Variants in CLOCK observed in about 807,000 individuals in gnomAD.
CLOCK encodes circadian locomoter output cycles protein kaput.
A neutral mutation model predicts 118.4 loss-of-function variants in CLOCK; 43 were observed. The observed-to-expected ratio is 0.36, with a 90% CI of 0.28 to 0.47. The LOEUF (loss-of-function observed/expected upper bound fraction) is 0.47. CLOCK is among the 20% of genes least tolerant of loss of function. CLOCK has a pLI of 1.00. For missense variants in CLOCK, 846 were observed against 999.9 expected (o/e 0.85, Z 2.08); for synonymous variants, 326 against 339.2 (o/e 0.96, Z 0.43).
intron 21 of CLOCK, among the ~76,000 whole-genome samples, chr4:55,441,237 A>G (rs899176622): frequency 6.6e-6 from 1 of 152,196 alleles, no homozygotes; most frequent in Admixed American, 6.5e-5. Flanking sequence ...TTACCCAGCC[A>G]GACTGGCCAT....
chr4:55,471,462 A>G (rs887137531), intron 7 of CLOCK, among the ~76,000 whole-genome samples: 1 of 152,168 alleles, frequency 6.6e-6, no homozygotes, highest in Admixed American at 6.5e-5. Context: ...AAGAAAATTC[A>G]GTTAGGAAAA....
At chr4:55,502,271 A>T (rs1192369778) in intron 2 of CLOCK, among the ~76,000 whole-genome samples, 6 of 152,246 alleles carry the variant, frequency 3.9e-5, no homozygotes, top group Non-Finnish European at 7.3e-5. Context: ...ACGAAAGCCA[A>T]GGTAATTCTG....
rs1309051289 is a variant in CLOCK, at chr4:55,453,802, T to A, written c.1005A>T (p.Lys335Asn). Reference protein sequence around the residue: ...HEHLMQYGKGKSCYYRFLTKG... With the variant: ...HEHLMQYGKGNSCYYRFLTKG... ...TAGTCAGGAACCTATAATAACATGA[T>A]TTGCCTTTCCCATATTGCATTACTA... Residue 335 changes from lysine to asparagine, a missense_variant, in exon 14 of 23, where the codon AAA becomes AAT. Physicochemically the swap from Lys to Asn is moderately conservative, Grantham distance 94. Coordinates refer to ENST00000513440, the MANE Select transcript of CLOCK (RefSeq NM_004898.4). 1 of 1,607,170 alleles carries A rather than the reference T, an allele frequency of 6.2e-7. No individual in the cohort carries two copies. The highest frequency in any genetic ancestry group is 1.7e-5 in the Admixed American group (1 of 59,782).
chr4:55,519,057 ATTTTAC>A (rs1729694360), intron 1 of CLOCK, among the ~76,000 whole-genome samples: 1 of 151,886 alleles, frequency 6.6e-6, no homozygotes, highest in South Asian at 2.1e-4. Flanking sequence ...ATTTTATTTT[ATTTTAC>A]TTTTACTTGA....
chr4:55,468,730 G>A (rs563932651), intron 8 of CLOCK, among the ~76,000 whole-genome samples: 1 of 152,166 alleles, frequency 6.6e-6, no homozygotes, highest in Non-Finnish European at 1.5e-5. Flanking sequence ...TCAACAGGCT[G>A]ATTAAAATGG....
At position 55,468,533 on chromosome 4, in the gene CLOCK, A is replaced by T. The variant is rs187102501; in HGVS notation, c.438+2184T>A. Among the ~76,000 whole-genome samples the T allele has an allele frequency of 3.3e-5, 5 of 152,340 alleles. No individual in the cohort carries two copies. In the East Asian group the frequency reaches 9.6e-4, roughly 29 times the overall value. On this transcript the variant is annotated intron_variant, in intron 8 of 22. Coordinates refer to ENST00000513440, the MANE Select transcript of CLOCK (RefSeq NM_004898.4). ...CTTCTGGTCATATAGATAATGAATTAAAATATGGCCAATATGACATTATCA... is the reference window on the plus strand; with the variant it reads ...CTTCTGGTCATATAGATAATGAATTTAAATATGGCCAATATGACATTATCA...
At chr4:55,521,687 C>A (rs1387149343) in intron 1 of CLOCK, among the ~76,000 whole-genome samples, 2 of 152,248 alleles carry the variant, frequency 1.3e-5, no homozygotes, top group Non-Finnish European at 2.9e-5. Context: ...CTCAGACATA[C>A]TTGAGCAAAT....
chr4:55,456,188 C>T, intron 12 of CLOCK, 30 bp downstream of exon 12: 1 of 1,485,282 alleles, frequency 6.7e-7, no homozygotes. Flanking sequence ...ATGACTATTA[C>T]CTTTTCATGG....
intron 2 of CLOCK, among the ~76,000 whole-genome samples, chr4:55,496,605 C>T: frequency 6.6e-6 from 1 of 152,196 alleles, no homozygotes; most frequent in East Asian, 1.9e-4. Context: ...TTCCAATTTA[C>T]AGTATTTACT....
intron 1 of CLOCK, among the ~76,000 whole-genome samples, chr4:55,533,888 G>A (rs1730713861): frequency 6.6e-6 from 1 of 152,188 alleles, no homozygotes; most frequent in African/African-American, 2.4e-5. Context: ...GGGCAACAGA[G>A]TGAGACTCCA....
At chr4:55,439,313 G>C (rs966616336) in intron 21 of CLOCK, among the ~76,000 whole-genome samples, 1 of 152,054 alleles carries the variant, frequency 6.6e-6, no homozygotes, top group Non-Finnish European at 1.5e-5. Flanking sequence ...CACAACAAGA[G>C]GCTACTTTAT....
chr4:55,512,775 C>T (rs768794275), intron 1 of CLOCK, among the ~76,000 whole-genome samples: 1 of 152,038 alleles, frequency 6.6e-6, no homozygotes, highest in Non-Finnish European at 1.5e-5. Flanking sequence ...CATTTTTTTG[C>T]ACATAGACAG....
chr4:55,451,905 G>T (rs945378973), intron 15 of CLOCK, among the ~76,000 whole-genome samples: 11 of 152,130 alleles, frequency 7.2e-5, no homozygotes, highest in African/African-American at 1.9e-4. Flanking sequence ...CTAGATCCAT[G>T]CCGGGTAGAA....
chr4:55,500,066 G>A (rs2109985414), intron 2 of CLOCK, among the ~76,000 whole-genome samples: 1 of 152,272 alleles, frequency 6.6e-6, no homozygotes, highest in Admixed American at 6.5e-5. Context: ...GAGAAAAAAA[G>A]GGGGGAATTT....
intron 1 of CLOCK, among the ~76,000 whole-genome samples, chr4:55,514,506 C>CG (rs955310696): frequency 2.0e-5 from 3 of 151,132 alleles, no homozygotes; most frequent in Admixed American, 2.0e-4. Context: ...TTTATCCCCC[C>CG]CCCACTTTGC....
At position 55,479,655 on chromosome 4, in the gene CLOCK, T is replaced by C. The variant is rs1345086607; in HGVS notation, c.92A>G (p.Lys31Arg). The C allele has an allele frequency of 6.2e-7, 1 of 1,612,512 alleles. No individual in the cohort carries two copies. The highest frequency in any genetic ancestry group is 1.3e-5 in the African/African-American group (1 of 75,006). Residue 31 changes from lysine (K) to arginine (R), a missense_variant, in exon 5 of 23, where the codon AAG (lysine) becomes AGG (arginine). Transcript: ENST00000513440. ...ATCAAACTACCTTTTCGCTTTGTCCTTGTCATCTTCTTCCACCAACCCATC... is the reference window on the plus strand; with the variant it reads ...ATCAAACTACCTTTTCGCTTTGTCCCTGTCATCTTCTTCCACCAACCCATC... ...IFDGLVEEDDKDKAKRVSRNK... is the reference protein window; with the variant it reads ...IFDGLVEEDDRDKAKRVSRNK...
chr4:55,546,090 G>A (rs1029509075), intron 1 of CLOCK, among the ~76,000 whole-genome samples: 3 of 152,248 alleles, frequency 2.0e-5, no homozygotes, highest in African/African-American at 7.2e-5. Context: ...TGGCCGCCCC[G>A]GCGCCCCATT....
At chr4:55,478,359 A>G (rs1726675284) in intron 6 of CLOCK, among the ~76,000 whole-genome samples, 1 of 152,028 alleles carries the variant, frequency 6.6e-6, no homozygotes, top group Admixed American at 6.6e-5. Context: ...TAATTTTCCA[A>G]CACAAACATG....
rs751775593 is a variant in CLOCK, at chr4:55,459,009, T to C, written c.675A>G (p.Val225=). The C allele has an allele frequency of 6.2e-7, 1 of 1,607,554 alleles. No homozygotes were observed. ...CAAAACCATTGTGTGCTGAAGAGGA[T>C]ACTAAAACAATAGGGAAATATGTAT... ...FIGNFKSLNS[V]SSSAHNGFEG... The change falls in exon 11 of 23, where the codon GTA becomes GTG. Residue 225 remains valine, a splice_region_variant and synonymous_variant. Coordinates refer to ENST00000513440, the MANE Select transcript of CLOCK (RefSeq NM_004898.4).
Sources: allele counts gnomAD v4.1 joint callset (sites outside exome capture counted in the v4.1 genomes callset), GRCh38; gene constraint gnomAD v4.1.1; transcripts MANE v1.5; gene names NCBI Gene and HGNC (gene_info 2026-07-23, HGNC 2026-07-21).